The following ANKRD30BL variants were observed in gnomAD, a reference collection of about 807,000 sequenced individuals.
ANKRD30BL encodes the protein putative ankyrin repeat domain-containing protein 30B-like.
A neutral mutation model predicts 18.4 loss-of-function variants in ANKRD30BL; 20 were observed. The ratio of observed to expected loss-of-function variants is 1.09; its 90% CI spans 0.77 to 1.58. The LOEUF (loss-of-function observed/expected upper bound fraction) is 1.58. Among genes scored for constraint, ANKRD30BL ranks in the 40% most tolerant of loss-of-function variants. The pLI, the probability that ANKRD30BL is intolerant of heterozygous loss-of-function variation, is 0.00. For synonymous variants in ANKRD30BL, 72 were observed against 100.9 expected, an observed-to-expected ratio of 0.71 and a Z score of 1.72; for missense variants, 224 against 268.6, an observed-to-expected ratio of 0.83 and a Z score of 1.16.
chr2:132,167,970 TA>T (rs949789570), intron 1 of ANKRD30BL, among the ~76,000 whole-genome samples: 3 of 152,164 alleles, frequency 2.0e-5, no homozygotes, highest in African/African-American at 7.2e-5. Context: ...TCAATAAGAA[TA>T]AAAAAACTTT....
chr2:132,175,105 T>A (rs1688338894), intron 1 of ANKRD30BL, among the ~76,000 whole-genome samples: 1 of 151,910 alleles, frequency 6.6e-6, no homozygotes, highest in Non-Finnish European at 1.5e-5. Context: ...AGACACAGAG[T>A]CAAAGTATAG....
At chr2:132,242,688 G>GA (rs1680371766) in intron 1 of ANKRD30BL, among the ~76,000 whole-genome samples, 1 of 150,854 alleles carries the variant, frequency 6.6e-6, no homozygotes, top group African/African-American at 2.4e-5. Flanking sequence ...TAGGTTTCTG[G>GA]TTTTGTTGGA....
intron 5 of ANKRD30BL, among the ~76,000 whole-genome samples, chr2:132,148,612 C>T (rs558032824): frequency 1.0e-3 from 159 of 151,886 alleles, no homozygotes; most frequent in African/African-American, 3.6e-3. Flanking sequence ...TCAAGCAATC[C>T]GCCCGCTTTG....
intron 1 of ANKRD30BL, among the ~76,000 whole-genome samples, chr2:132,220,457 C>T (rs193134905): frequency 0.013 from 2,052 of 152,068 alleles, 40 homozygotes; most frequent in African/African-American, 0.047. Context: ...TCACTGCAAC[C>T]TCCCTGCCTG....
intron 1 of ANKRD30BL, among the ~76,000 whole-genome samples, chr2:132,223,533 T>G (rs1679757895): frequency 6.6e-6 from 1 of 152,124 alleles, no homozygotes; most frequent in Non-Finnish European, 1.5e-5. Flanking sequence ...ACATAACATT[T>G]CATTGAGCAG....
chr2:132,256,279 C>T (rs1389083161), intron 1 of ANKRD30BL, among the ~76,000 whole-genome samples: 4 of 116,386 alleles, frequency 3.4e-5, no homozygotes, highest in Non-Finnish European at 5.4e-5. Flanking sequence ...GGCGATGGGG[C>T]GTGGGGGAGG....
At chr2:132,235,252 G>C (rs548870188) in intron 1 of ANKRD30BL, among the ~76,000 whole-genome samples, 87 of 152,236 alleles carry the variant, frequency 5.7e-4, no homozygotes, top group Admixed American at 1.4e-3. Context: ...GCAAAAACTG[G>C]AAGCATTTCC....
At chr2:132,172,269 CTA>C (rs1688295806) in intron 1 of ANKRD30BL, among the ~76,000 whole-genome samples, 2 of 152,152 alleles carry the variant, frequency 1.3e-5, no homozygotes, top group South Asian at 4.1e-4. Context: ...CATAGTAGTT[CTA>C]TGTCTAACTT....
chr2:132,198,620 G>GC (rs1179507637), intron 1 of ANKRD30BL, among the ~76,000 whole-genome samples: 1 of 148,406 alleles, frequency 6.7e-6, no homozygotes, highest in Admixed American at 6.7e-5. Flanking sequence ...ACAGCGCCCA[G>GC]CCTTTTTTTT....
At chr2:132,232,152 C>G (rs1341259235) in intron 1 of ANKRD30BL, among the ~76,000 whole-genome samples, 1 of 152,202 alleles carries the variant, frequency 6.6e-6, no homozygotes, top group African/African-American at 2.4e-5. Flanking sequence ...AACTAACAAA[C>G]AGAAAGGACA....
rs75199740 is a variant in ANKRD30BL, at chr2:132,246,498, G to A, written n.441+11031C>T. 7.7e-4 allele frequency among the ~76,000 whole-genome samples: 116 copies of A among 151,090 alleles called. 1 individual carries two copies. The highest frequency in any genetic ancestry group is 1.4e-3 in the Non-Finnish European group (93 of 67,380). On this transcript the variant is annotated intron_variant and non_coding_transcript_variant, in intron 1 of 4. Transcript: ENST00000470729. ...TGAAACTAGACAGAACAATTTTCAG[G>A]AACTTCTTTGTGATGTGTGCATTCA...
chr2:132,231,598 G>C (rs1258030744), intron 1 of ANKRD30BL, among the ~76,000 whole-genome samples: 1 of 152,152 alleles, frequency 6.6e-6, no homozygotes, highest in Non-Finnish European at 1.5e-5. Context: ...GGAAAATCGG[G>C]TCACTCCCAC....
At chr2:132,156,725 AG>A (rs1359897239) in intron 3 of ANKRD30BL, 1 of 199,920 alleles carries the variant, frequency 5.0e-6, no homozygotes, top group African/African-American at 2.3e-5. Flanking sequence ...TGGGTGGGAA[AG>A]AATATTTGAA....
At chr2:132,221,680 C>T (rs867518717) in intron 1 of ANKRD30BL, among the ~76,000 whole-genome samples, 23 of 112,916 alleles carry the variant, frequency 2.0e-4, no homozygotes, top group South Asian at 2.8e-4. Context: ...CCGCCCCGTC[C>T]GGGAGGGAGG....
chr2:132,205,629 G>GA (rs869301466), intron 1 of ANKRD30BL, among the ~76,000 whole-genome samples: 5 of 148,784 alleles, frequency 3.4e-5, no homozygotes, highest in Non-Finnish European at 7.4e-5. Flanking sequence ...AAGAAAAAAA[G>GA]AAAAAAAAGA....
chr2:132,150,669 TAAAC>T (rs1469437971), intron 5 of ANKRD30BL, among the ~76,000 whole-genome samples: 1 of 151,946 alleles, frequency 6.6e-6, no homozygotes, highest in African/African-American at 2.4e-5. Context: ...GGACCACAAT[TAAAC>T]AAACATTTTT....
chr2:132,185,959 G>A (rs1277871944), intron 1 of ANKRD30BL, among the ~76,000 whole-genome samples: 1 of 151,974 alleles, frequency 6.6e-6, no homozygotes, highest in Non-Finnish European at 1.5e-5. Context: ...TAGCCAACAT[G>A]GTAAAACTCC....
At chr2:132,193,311 C>A (rs1292666302) in intron 1 of ANKRD30BL, among the ~76,000 whole-genome samples, 1 of 152,136 alleles carries the variant, frequency 6.6e-6, no homozygotes, top group Non-Finnish European at 1.5e-5. Context: ...TACTTTTCAA[C>A]AGCGTAAATC....
intron 1 of ANKRD30BL, among the ~76,000 whole-genome samples, chr2:132,198,312 CTTTCTTTCTTTCTTT>C (rs1412376484): frequency 0.037 from 455 of 12,238 alleles, 31 homozygotes; most frequent in East Asian, 0.12. Flanking sequence ...TTCTTTCTTT[CTTTCTTTCTTTCTTT>C]TTTTTTTTTT....
Sources: gnomAD v4.1 joint callset for allele counts (sites outside exome capture counted in the v4.1 genomes callset) on GRCh38, gnomAD v4.1.1 for gene constraint, MANE v1.5 for transcripts, NCBI Gene and HGNC (gene_info 2026-07-23, HGNC 2026-07-21) for gene names.